Variants in RPS6KA2 observed in about 807,000 individuals in gnomAD.
The protein encoded by RPS6KA2 is ribosomal protein S6 kinase A2.
A neutral mutation model predicts 91.8 loss-of-function variants in RPS6KA2; 42 were observed. That is an observed-to-expected ratio of 0.46 (90% CI 0.36 to 0.59). The LOEUF (loss-of-function observed/expected upper bound fraction) is 0.59, where lower values mean the gene tolerates loss of function less well. RPS6KA2 is among the 20% of genes least tolerant of loss of function. The pLI is 0.00. For missense variants in RPS6KA2, 798 were observed against 978.5 expected (o/e 0.82, Z 2.46); for synonymous variants, 414 against 393.6 (o/e 1.05, Z -0.61).
chr6:166,566,360 G>A (rs1462405084), intron 1 of RPS6KA2, among the ~76,000 whole-genome samples: 2 of 152,222 alleles, frequency 1.3e-5, no homozygotes, highest in Non-Finnish European at 2.9e-5. Flanking sequence ...AGTGTATCAG[G>A]CAGGGACACC....
upstream of RPS6KA2, among the ~76,000 whole-genome samples, chr6:166,630,610 G>T (rs370123943): frequency 6.6e-6 from 1 of 152,188 alleles, no homozygotes; most frequent in Non-Finnish European, 1.5e-5. Context: ...GCATTCGAAG[G>T]CTCTGCCCAT....
At chr6:166,520,054 C>CA (rs767795060) in intron 3 of RPS6KA2, among the ~76,000 whole-genome samples, 2 of 152,102 alleles carry the variant, frequency 1.3e-5, no homozygotes, top group Non-Finnish European at 2.9e-5. Context: ...CAGAATAGAA[C>CA]AAAAAAGCAG....
chr6:166,435,402 T>C lies in RPS6KA2; in HGVS notation c.1333-2912A>G, dbSNP rs1387211924. ...CCAGTGTCCTGGTCATTTGCTAGAA[T>C]CTGATACACATTTAAGCATGCATGT... On this transcript the variant is annotated intron_variant, in intron 14 of 20. Coordinates refer to ENST00000265678, the MANE Select transcript of RPS6KA2 (RefSeq NM_021135.6). This position sits in a 1 kb window ranked among gnomAD's most constrained non-coding sequence, Gnocchi z 4.3. Among the ~76,000 whole-genome samples the C allele has an allele frequency of 6.6e-6, 1 of 152,250 alleles. No homozygotes were observed. The highest frequency in any genetic ancestry group is 6.5e-5 in the Admixed American group (1 of 15,280).
intron 2 of RPS6KA2, among the ~76,000 whole-genome samples, chr6:166,824,686 CATGTGTGTCTGTGTCTGTGT>C (rs1779991623): frequency 1.6e-5 from 2 of 123,208 alleles, no homozygotes; most frequent in South Asian, 2.7e-4. Flanking sequence ...TGTGTGTCTA[CATGTGTGTCTGTGTCTGTGT>C]GTGTGTGTCT....
intron 1 of RPS6KA2, among the ~76,000 whole-genome samples, chr6:166,623,399 T>C (rs1786717297): frequency 6.6e-6 from 1 of 152,252 alleles, no homozygotes; most frequent in Admixed American, 6.5e-5. Context: ...TTCAGCTCAG[T>C]GGACCTATGG....
At chr6:166,778,158 C>T (rs1778674920) in intron 2 of RPS6KA2, among the ~76,000 whole-genome samples, 1 of 152,218 alleles carries the variant, frequency 6.6e-6, no homozygotes, top group Admixed American at 6.5e-5. Context: ...CTTACGTTAG[C>T]CTTAGAAGAA....
At position 166,554,548 on chromosome 6, in the gene RPS6KA2, G is replaced by T. The variant is rs1784121411; in HGVS notation, c.100-15764C>A. On this transcript the variant is annotated intron_variant, in intron 1 of 20. Coordinates refer to ENST00000265678, the MANE Select transcript of RPS6KA2 (RefSeq NM_021135.6). This position sits in a 1 kb window ranked among gnomAD's most constrained non-coding sequence, Gnocchi z 4.3. ...TGTGGGGACAGAGAGAAACATTCAG[G>T]GACAAAACCTAAGTCACGAGGTCTG... Among the ~76,000 whole-genome samples the T allele has an allele frequency of 6.6e-6, 1 of 152,182 alleles. No individual in the cohort carries two copies. Among genetic ancestry groups the T allele is most frequent in the Admixed American group, 6.5e-5 (1 of 15,282 alleles).
rs982855883 is a variant in RPS6KA2 at position 166,494,939 on chromosome 6, G to C, written c.747+3569C>G. ...CGCTTACAAGGCTTGGGTAAGATAC[G>C]ACTTCAAAGGTCACCCGAGGCCCAT... On this transcript the variant is annotated intron_variant, in intron 8 of 20. Coordinates refer to ENST00000265678, the MANE Select transcript of RPS6KA2 (RefSeq NM_021135.6). This position sits in a 1 kb window ranked among gnomAD's most constrained non-coding sequence, Gnocchi z 5.1. Among the ~76,000 whole-genome samples, 1 of 152,164 alleles carries C rather than the reference G, an allele frequency of 6.6e-6. No homozygotes were observed. Among genetic ancestry groups the C allele is most frequent in the South Asian group, 2.1e-4 (1 of 4,830 alleles).
intron 2 of RPS6KA2, among the ~76,000 whole-genome samples, chr6:166,692,564 G>A (rs770386090): frequency 1.4e-4 from 22 of 152,040 alleles, no homozygotes; most frequent in Non-Finnish European, 2.8e-4. Flanking sequence ...AACAAGGACA[G>A]AAAACATGAG....
At chr6:166,797,208 C>T (rs1779249741) in intron 2 of RPS6KA2, among the ~76,000 whole-genome samples, 1 of 152,180 alleles carries the variant, frequency 6.6e-6, no homozygotes, top group Non-Finnish European at 1.5e-5. Flanking sequence ...AGGGAGGCAC[C>T]CCACATCCGT....
At chr6:166,753,434 T>C (rs1220508663) in intron 2 of RPS6KA2, among the ~76,000 whole-genome samples, 1 of 152,212 alleles carries the variant, frequency 6.6e-6, no homozygotes, top group Non-Finnish European at 1.5e-5. Flanking sequence ...GGAATTTTTT[T>C]CTTGTCTTAT....
At chr6:166,575,543 G>A (rs990061473) in intron 1 of RPS6KA2, among the ~76,000 whole-genome samples, 1 of 152,168 alleles carries the variant, frequency 6.6e-6, no homozygotes, top group African/African-American at 2.4e-5. Flanking sequence ...GTTTGGTGTT[G>A]CTTTTTGTTT....
At chr6:166,837,762 G>A (rs1780358393) in intron 2 of RPS6KA2, among the ~76,000 whole-genome samples, 2 of 152,248 alleles carry the variant, frequency 1.3e-5, no homozygotes, top group African/African-American at 4.8e-5. Context: ...TTCAGGGAAG[G>A]TGGGGTTCCC....
intron 16 of RPS6KA2, among the ~76,000 whole-genome samples, chr6:166,425,187 A>C (rs889338332): frequency 1.3e-5 from 2 of 152,132 alleles, no homozygotes; most frequent in Non-Finnish European, 2.9e-5. Context: ...AGCTTCCCAC[A>C]GTCTGCTGCC....
chr6:166,793,659 C>T (rs1310997171), intron 2 of RPS6KA2, among the ~76,000 whole-genome samples: 15 of 152,060 alleles, frequency 9.9e-5, no homozygotes, highest in African/African-American at 2.2e-4. Flanking sequence ...AACAGAGATA[C>T]AGAACAATGG....
chr6:166,428,373 C>G (rs1779001493), intron 16 of RPS6KA2, among the ~76,000 whole-genome samples: 1 of 144,160 alleles, frequency 6.9e-6, no homozygotes, highest in East Asian at 2.0e-4. Context: ...CTAGGCATTA[C>G]CATTCAGGAC....
intron 11 of RPS6KA2, among the ~76,000 whole-genome samples, chr6:166,466,494 G>A (rs1780528062): frequency 6.6e-6 from 1 of 152,212 alleles, no homozygotes; most frequent in Admixed American, 6.5e-5. Context: ...GGTTCGGTGT[G>A]AAGAGACTTC....
chr6:166,651,989 G>A (rs1263386393), intron 2 of RPS6KA2, among the ~76,000 whole-genome samples: 2 of 152,246 alleles, frequency 1.3e-5, no homozygotes, highest in East Asian at 1.9e-4. Context: ...CGGCACTGCC[G>A]TGCTTTCACT....
Position 166,627,161 on chromosome 6 carries a change from G to A in RPS6KA2, c.-142C>T, listed in dbSNP as rs1582960938. On this transcript the variant is annotated 5_prime_UTR_variant, in exon 1 of 21. Coordinates refer to ENST00000265678, the MANE Select transcript of RPS6KA2 (RefSeq NM_021135.6). Reference sequence around the variant, plus strand: ...GCCATGGGCGCGGGGCGTGGGGCGCGAGCTGCGGTCACAAAGGGCAGGCCG... The same window carrying A: ...GCCATGGGCGCGGGGCGTGGGGCGCAAGCTGCGGTCACAAAGGGCAGGCCG... 9.1e-7 allele frequency: 1 copy of A among 1,100,240 alleles called. No homozygotes were observed. The highest frequency in any genetic ancestry group is 1.1e-6 in the Non-Finnish European group (1 of 904,958). 68.2% of individuals were successfully genotyped at this position (1,100,240 alleles called of 1,614,324 possible). A position where few individuals can be genotyped will look rare whatever the true frequency, so the allele number is the denominator to read the frequency against.
Sources: allele counts gnomAD v4.1 joint callset (sites outside exome capture counted in the v4.1 genomes callset), GRCh38; gene constraint gnomAD v4.1.1; non-coding constraint Gnocchi (gnomAD v3.1); transcripts MANE v1.5; gene names NCBI Gene and HGNC (gene_info 2026-07-23, HGNC 2026-07-21).